MEIKIN: variants seen among roughly 807,000 people sequenced by gnomAD.
MEIKIN encodes meiotic kinetochore factor.
intron 11 of MEIKIN, among the ~76,000 whole-genome samples, chr5:131,824,156 C>T (rs552738915): frequency 4.7e-4 from 72 of 152,264 alleles, no homozygotes; most frequent in Non-Finnish European, 9.0e-4. Context: ...GCCTTTCCCT[C>T]CAGTGTGGTG....
chr5:131,906,355 T>C (rs977473487), intron 8 of MEIKIN, among the ~76,000 whole-genome samples: 2 of 151,942 alleles, frequency 1.3e-5, no homozygotes, highest in Non-Finnish European at 2.9e-5. Context: ...TATTAAAAAG[T>C]AAAAAAGTAA....
chr5:131,814,396 G>C lies in MEIKIN; in HGVS notation c.1099+4344C>G, dbSNP rs1362750964. 2.0e-5 allele frequency among the ~76,000 whole-genome samples: 3 copies of C among 151,366 alleles called. No homozygotes were observed. The East Asian group carries it at 5.9e-4, about 30-fold the overall frequency. ...GGGCTCAGGTGATCCTCCCACCTCAGCCTCCCAAGTAGCTGGAACTACAGG... is the reference window on the plus strand; with the variant it reads ...GGGCTCAGGTGATCCTCCCACCTCACCCTCCCAAGTAGCTGGAACTACAGG... On this transcript the variant is annotated intron_variant, in intron 12 of 12. Transcript: ENST00000442687.
At chr5:131,904,119 A>G (rs1036276738) in intron 8 of MEIKIN, among the ~76,000 whole-genome samples, 2 of 152,344 alleles carry the variant, frequency 1.3e-5, no homozygotes, top group South Asian at 4.1e-4. Flanking sequence ...AAGAAGACCT[A>G]TCTTTCCTAA....
intron 11 of MEIKIN, among the ~76,000 whole-genome samples, chr5:131,841,854 A>G (rs1353646120): frequency 6.6e-6 from 1 of 152,110 alleles, no homozygotes; most frequent in Admixed American, 6.5e-5. Flanking sequence ...CCTTTTTTGG[A>G]AGCTCACTGT....
chr5:131,916,837 T>C (rs1029395026), intron 7 of MEIKIN, 49 bp downstream of exon 7: 6 of 396,058 alleles, frequency 1.5e-5, no homozygotes, highest in African/African-American at 1.2e-4. Context: ...ATAACTATTA[T>C]AATACAGGGT....
chr5:131,816,595 G>A lies in MEIKIN; in HGVS notation c.1099+2145C>T, dbSNP rs148027423. Reference sequence around the variant, plus strand: ...GTCAATTCCTTGTTTTATTCTCTCCGGAATGGTAATTTGCATACGTTAGGC... The same window carrying A: ...GTCAATTCCTTGTTTTATTCTCTCCAGAATGGTAATTTGCATACGTTAGGC... On this transcript the variant is annotated intron_variant, in intron 12 of 12. Coordinates refer to ENST00000442687, the MANE Select transcript of MEIKIN (RefSeq NM_001303622.2). Among the ~76,000 whole-genome samples, 564 of 152,140 alleles carry A rather than the reference G, an allele frequency of 3.7e-3. 4 individuals are homozygous for A. Among genetic ancestry groups the A allele is most frequent in the African/African-American group, 0.013 (531 of 41,502 alleles).
rs150509944 is a variant in MEIKIN at position 131,833,844 on chromosome 5, A to G, written c.976-14981T>C. Among the ~76,000 whole-genome samples, 158 of 152,324 alleles carry G rather than the reference A, an allele frequency of 1.0e-3. 1 individual carries two copies. Among genetic ancestry groups the G allele is most frequent in the African/African-American group, 3.6e-3 (150 of 41,582 alleles). On this transcript the variant is annotated intron_variant, in intron 11 of 12. Transcript: ENST00000442687. ...CAGTAACCAAAGAAACCTCTGAAAT[A>G]TAACAATAAATTAATGTCTACCAAG...
At chr5:131,860,863 G>A (rs946835659) in intron 9 of MEIKIN, among the ~76,000 whole-genome samples, 1 of 138,372 alleles carries the variant, frequency 7.2e-6, no homozygotes, top group African/African-American at 2.7e-5. Flanking sequence ...CTGGGCTCAA[G>A]TGATTCTAGT....
chr5:131,862,370 A>AT (rs1170394707), intron 9 of MEIKIN, among the ~76,000 whole-genome samples: 1 of 151,662 alleles, frequency 6.6e-6, no homozygotes, highest in Non-Finnish European at 1.5e-5. Flanking sequence ...TGGTTTATTA[A>AT]TTTTATCTTT....
At chr5:131,839,359 C>G (rs1339920786) in intron 11 of MEIKIN, among the ~76,000 whole-genome samples, 1 of 152,062 alleles carries the variant, frequency 6.6e-6, no homozygotes, top group Non-Finnish European at 1.5e-5. Flanking sequence ...CTGTAGATGC[C>G]TATCAGGTCC....
chr5:131,862,674 C>T (rs897336102), intron 9 of MEIKIN, among the ~76,000 whole-genome samples: 1 of 151,936 alleles, frequency 6.6e-6, no homozygotes, highest in Admixed American at 6.6e-5. Context: ...TTTGGTGTTT[C>T]GTATTTCAAT....
At chr5:131,887,166 C>CT (rs1222272087) in intron 8 of MEIKIN, among the ~76,000 whole-genome samples, 1 of 152,006 alleles carries the variant, frequency 6.6e-6, no homozygotes, top group East Asian at 1.9e-4. Context: ...TGAACTCATA[C>CT]TTTTTTATGG....
intron 8 of MEIKIN, among the ~76,000 whole-genome samples, chr5:131,884,770 C>T (rs1185436770): frequency 2.0e-5 from 3 of 151,402 alleles, no homozygotes; most frequent in Non-Finnish European, 2.9e-5. Context: ...GACAGCATTT[C>T]TGGATGTGCC....
chr5:131,914,612 A>AAGGGAAGGG (rs1561753835), intron 7 of MEIKIN, among the ~76,000 whole-genome samples: 13 of 3,298 alleles, frequency 3.9e-3, no homozygotes, highest in East Asian at 0.029. Flanking sequence ...GAAGGGAAGG[A>AAGGGAAGGG]AAGGGAAGGA....
chr5:131,837,419 T>G (rs756457240), intron 11 of MEIKIN, among the ~76,000 whole-genome samples: 2 of 152,198 alleles, frequency 1.3e-5, no homozygotes, highest in Non-Finnish European at 2.9e-5. Context: ...TTGACAGGAA[T>G]AGCATTGAAT....
chr5:131,877,123 T>C (rs1750628389), intron 9 of MEIKIN, among the ~76,000 whole-genome samples: 1 of 151,962 alleles, frequency 6.6e-6, no homozygotes, highest in African/African-American at 2.4e-5. Context: ...ATTGTGCACA[T>C]GTACCTACAA....
rs551779551 is a variant in MEIKIN, at chr5:131,889,946, C to T, written c.704-10898G>A. ...AGGGTTGTTGAATTTTGTCAAAGGC[C>T]TTTTCTGCATCTATTGAGATCATCA... On this transcript the variant is annotated intron_variant, in intron 8 of 12. Transcript: ENST00000442687. Among the ~76,000 whole-genome samples, 7 of 152,194 alleles carry T rather than the reference C, an allele frequency of 4.6e-5. No individual in the cohort carries two copies. The South Asian group carries it at 8.3e-4, about 18-fold the overall frequency.
intron 11 of MEIKIN, among the ~76,000 whole-genome samples, chr5:131,839,216 A>G (rs750102313): frequency 1.9e-4 from 29 of 152,072 alleles, no homozygotes; most frequent in Non-Finnish European, 3.4e-4. Context: ...AGTCCAAATG[A>G]TTGTTTTTTA....
chr5:131,817,171 T>C (rs1773116924), intron 12 of MEIKIN, among the ~76,000 whole-genome samples: 1 of 152,208 alleles, frequency 6.6e-6, no homozygotes, highest in African/African-American at 2.4e-5. Context: ...CTATGGATTC[T>C]GGGAGTTGCA....
Sources: allele counts gnomAD v4.1 joint callset (sites outside exome capture counted in the v4.1 genomes callset), GRCh38; gene constraint gnomAD v4.1.1; transcripts MANE v1.5; gene names NCBI Gene and HGNC (gene_info 2026-07-23, HGNC 2026-07-21).